Variants in S100Z observed in about 807,000 individuals in gnomAD.
S100Z encodes the protein protein S100-Z.
In S100Z, 11 loss-of-function variants were observed where a neutral mutation model predicts 8.5. That is an observed-to-expected ratio of 1.30 (90% CI 0.82 to 2.15). The LOEUF is 2.15. S100Z is among the 30% of genes most tolerant of loss of function. S100Z has a pLI of 0.00. For synonymous variants in S100Z, 34 were observed against 43.8 expected (o/e 0.78, Z 0.89); for missense variants, 126 against 117.9 (o/e 1.07, Z -0.32).
intron 1 of S100Z, among the ~76,000 whole-genome samples, chr5:76,857,592 C>T (rs892388355): frequency 6.6e-6 from 1 of 151,596 alleles, no homozygotes; most frequent in Non-Finnish European, 1.5e-5. Context: ...CTCCACCTCC[C>T]GGTTCAAGCA....
At chr5:76,859,115 A>G (rs1487190034) in intron 1 of S100Z, among the ~76,000 whole-genome samples, 2 of 152,214 alleles carry the variant, frequency 1.3e-5, no homozygotes, top group African/African-American at 4.8e-5. Context: ...CAGTGTCTCA[A>G]AATAATAATA....
chr5:76,945,185 G>A, the S100Z span, among the ~76,000 whole-genome samples: 3 of 152,174 alleles, frequency 2.0e-5, no homozygotes, highest in Admixed American at 2.0e-4. Context: ...AATGTTTACA[G>A]GCAGTATGTT....
chr5:76,916,568 C>A (rs1050637411), intron 4 of S100Z, among the ~76,000 whole-genome samples: 20 of 151,154 alleles, frequency 1.3e-4, no homozygotes, highest in Admixed American at 1.3e-4. Context: ...AATTAATACC[C>A]ATTGAAATCC....
the S100Z span, among the ~76,000 whole-genome samples, chr5:76,944,664 C>T: frequency 1.3e-5 from 2 of 152,152 alleles, no homozygotes; most frequent in South Asian, 2.1e-4. Context: ...TTCTGCTGTC[C>T]TTATTTAGAT....
At chr5:76,898,155 C>CTT (rs35746616) in intron 4 of S100Z, among the ~76,000 whole-genome samples, 3,776 of 146,700 alleles carry the variant, frequency 0.026, 162 homozygotes, top group East Asian at 0.2. Flanking sequence ...GAGTTATATT[C>CTT]TTTTTTTTTT....
rs1293652399 is a variant in S100Z, at chr5:76,872,010, G to T, written c.-57+1726G>T. On this transcript the variant is annotated intron_variant, in intron 2 of 4. Coordinates refer to ENST00000317593, the MANE Select transcript of S100Z (RefSeq NM_130772.4). ...TCAGCACTTTGGGAGGCTAAGGCAG[G>T]AGGATCACTTGAGCCCAGGAGTTTG... Among the ~76,000 whole-genome samples the T allele has an allele frequency of 3.3e-5, 5 of 152,242 alleles. No homozygotes were observed. In the East Asian group the frequency reaches 5.8e-4, roughly 18 times the overall value.
chr5:76,871,352 A>AT (rs920795428), intron 2 of S100Z, among the ~76,000 whole-genome samples: 55 of 152,186 alleles, frequency 3.6e-4, no homozygotes, highest in African/African-American at 1.3e-3. Flanking sequence ...AAAAAGAAAC[A>AT]TTTATCATTT....
intron 4 of S100Z, among the ~76,000 whole-genome samples, chr5:76,907,015 TATATATATAC>T (rs1744475785): frequency 2.7e-5 from 3 of 112,238 alleles, no homozygotes; most frequent in East Asian, 2.6e-4. Context: ...TATATATATA[TATATATATAC>T]ATATATATAT....
chr5:76,872,063 C>G lies in S100Z; in HGVS notation c.-57+1779C>G, dbSNP rs192951193. On this transcript the variant is annotated intron_variant, in intron 2 of 4. Coordinates refer to ENST00000317593, the MANE Select transcript of S100Z (RefSeq NM_130772.4). ...ACCAGCTTGGGCAGCATAGTGAGAC[C>G]TCATCTCTAAAAAAAGTAAAAAATA... Among the ~76,000 whole-genome samples, 286 of 151,568 alleles carry G rather than the reference C, an allele frequency of 1.9e-3. 7 individuals carry two copies. The highest frequency in any genetic ancestry group is 1.5e-3 in the Non-Finnish European group (104 of 67,846).
chr5:76,917,942 G>C (rs1744905204), intron 4 of S100Z, among the ~76,000 whole-genome samples: 1 of 151,910 alleles, frequency 6.6e-6, no homozygotes, highest in Admixed American at 6.6e-5. Context: ...TTGGTTTCTT[G>C]CTTTTTGCTC....
Position 76,875,381 on chromosome 5 carries a change from G to A in S100Z, c.22G>A (p.Ala8Thr). Residue 8 changes from alanine (A) to threonine (T), a missense_variant, in exon 3 of 5, where the codon GCC (alanine) becomes ACC (threonine). Coordinates refer to ENST00000317593, the MANE Select transcript of S100Z (RefSeq NM_130772.4). ...CGACATGCCCACCCAGCTCGAGATG[G>A]CCATGGACACCATGATTAGAATCTT... Reference protein sequence around the residue: MPTQLEMAMDTMIRIFHR... With the variant: MPTQLEMTMDTMIRIFHR... The A allele has an allele frequency of 6.2e-7, 1 of 1,613,088 alleles. No homozygotes were observed. Among genetic ancestry groups the A allele is most frequent in the Non-Finnish European group, 8.5e-7 (1 of 1,179,542 alleles).
intron 4 of S100Z, among the ~76,000 whole-genome samples, chr5:76,905,172 C>T (rs1744382201): frequency 6.6e-6 from 1 of 152,016 alleles, no homozygotes; most frequent in Admixed American, 6.6e-5. Context: ...CCAAGGTTGA[C>T]AAGCTTAATT....
intron 2 of S100Z, among the ~76,000 whole-genome samples, chr5:76,874,040 C>CA (rs72593793): frequency 2.6e-4 from 40 of 152,084 alleles, no homozygotes; most frequent in South Asian, 2.3e-3. Context: ...CCCTTTCCCC[C>CA]CTTACCCCTG....
At position 76,863,006 on chromosome 5, in the gene S100Z, C is replaced by T. The variant is rs78589179; in HGVS notation, c.-175-7160C>T. Among the ~76,000 whole-genome samples the T allele has an allele frequency of 9.6e-3, 1,466 of 152,224 alleles. 20 individuals carry two copies. The highest frequency in any genetic ancestry group is 0.034 in the African/African-American group (1,395 of 41,526). ...GTGTTTTGTTCAATTCTTTGTTCAA[C>T]ACACCATGAACCTGGACAACTCACA... is the stretch of plus-strand genomic sequence containing the variant. On this transcript the variant is annotated intron_variant, in intron 1 of 4. Coordinates refer to ENST00000317593, the MANE Select transcript of S100Z (RefSeq NM_130772.4).
At chr5:76,893,178 C>G (rs1184270681) in intron 4 of S100Z, among the ~76,000 whole-genome samples, 1 of 152,034 alleles carries the variant, frequency 6.6e-6, no homozygotes, top group East Asian at 1.9e-4. Context: ...TAACTTTAAA[C>G]AACAGAATGT....
At chr5:76,888,281 G>A (rs1323127082) in intron 4 of S100Z, among the ~76,000 whole-genome samples, 2 of 125,538 alleles carry the variant, frequency 1.6e-5, no homozygotes, top group Non-Finnish European at 3.4e-5. Flanking sequence ...AAAAAGGAAA[G>A]AAAGAAATTA....
chr5:76,915,070 T>C (rs1435414726), intron 4 of S100Z, among the ~76,000 whole-genome samples: 14 of 148,440 alleles, frequency 9.4e-5, no homozygotes, highest in East Asian at 4.0e-4. Context: ...CTTTGGGAGG[T>C]CGAGGCAGGT....
intron 1 of S100Z, among the ~76,000 whole-genome samples, chr5:76,863,747 C>T (rs900707091): frequency 2.0e-5 from 3 of 152,008 alleles, no homozygotes; most frequent in Admixed American, 6.6e-5. Context: ...ACCGTGTTAG[C>T]CAGGATGGTC....
chr5:76,875,677 G>A lies in S100Z; in HGVS notation c.141+177G>A, dbSNP rs527999878. Among the ~76,000 whole-genome samples the A allele has an allele frequency of 3.9e-5, 6 of 152,252 alleles. No individual in the cohort carries two copies. In the South Asian group the frequency reaches 1.0e-3, roughly 26 times the overall value. Reference sequence around the variant, plus strand: ...GAGACGTTTGTTTTCTGTGTACATAGGCATGTGCCCTTTTTCGTGTTACCT... The same window carrying A: ...GAGACGTTTGTTTTCTGTGTACATAAGCATGTGCCCTTTTTCGTGTTACCT... On this transcript the variant is annotated intron_variant, in intron 3 of 4. Coordinates refer to ENST00000317593, the MANE Select transcript of S100Z (RefSeq NM_130772.4).
Sources: allele counts gnomAD v4.1 joint callset (sites outside exome capture counted in the v4.1 genomes callset), GRCh38; gene constraint gnomAD v4.1.1; transcripts MANE v1.5; gene names NCBI Gene and HGNC (gene_info 2026-07-23, HGNC 2026-07-21).